Variants in PCDH11X observed in about 807,000 individuals in gnomAD.
PCDH11X encodes protocadherin 11 X-linked, also known as protocadherin-11 X-linked.
In PCDH11X, 18 loss-of-function variants were observed where a neutral mutation model predicts 53.3. The ratio of observed to expected loss-of-function variants is 0.34; its 90% CI spans 0.23 to 0.50. The LOEUF is 0.50. PCDH11X is among the 20% of genes least tolerant of loss of function. The pLI, the probability that PCDH11X is intolerant of heterozygous loss-of-function variation, is 0.98. For synonymous variants in PCDH11X, 279 were observed against 393.3 expected (o/e 0.71, Z 3.44); for missense variants, 570 against 1,032.4 (o/e 0.55, Z 6.14).
chrX:92,087,064 G>A (rs757174780), intron 6 of PCDH11X, among the ~76,000 whole-genome samples: 13 of 109,521 alleles, frequency 1.2e-4, no homozygotes, highest in African/African-American at 4.0e-4. Context: ...CTTTAGGGTG[G>A]TCTGGGTGGT....
At chrX:91,998,784 C>T (rs1432916929) in intron 6 of PCDH11X, among the ~76,000 whole-genome samples, 1 of 111,067 alleles carries the variant, frequency 9.0e-6, no homozygotes, top group Non-Finnish European at 1.9e-5. Context: ...GGGGCTCATG[C>T]GTTATATTTT....
intron 10 of PCDH11X, among the ~76,000 whole-genome samples, chrX:92,607,426 T>A (rs1334965346): frequency 9.0e-6 from 1 of 111,629 alleles, no homozygotes; most frequent in Non-Finnish European, 1.9e-5. Flanking sequence ...TAGGCAAATC[T>A]ATTGAGACAG....
rs1264022775 is a variant in PCDH11X, at chrX:92,265,042, G to A, written c.3144+1899G>A. Among the ~76,000 whole-genome samples the A allele has an allele frequency of 3.7e-5, 4 of 109,366 alleles. No homozygotes were observed. In the Admixed American group the frequency reaches 4.0e-4, roughly 11 times the overall value. 95.0% of individuals were successfully genotyped at this position (109,366 alleles called of 115,157 possible). On this transcript the variant is annotated intron_variant, in intron 8 of 10. Coordinates refer to ENST00000682573, the MANE Select transcript of PCDH11X (RefSeq NM_032968.5). ...ATGCTTTTCTTTATAAGGTCAAGAA[G>A]GGTAAGCAAGCAGAGATAAGCAGAA...
intron 5 of PCDH11X, among the ~76,000 whole-genome samples, chrX:91,844,698 G>A (rs1937591844): frequency 9.6e-6 from 1 of 104,290 alleles, no homozygotes; most frequent in Non-Finnish European, 1.9e-5. Context: ...CCTTTTTCAA[G>A]CAGAAGATTT....
chrX:92,447,461 C>T (rs2072679878), intron 9 of PCDH11X, among the ~76,000 whole-genome samples: 1 of 111,503 alleles, frequency 9.0e-6, no homozygotes, highest in Non-Finnish European at 1.9e-5. Context: ...CAGCTCGAGT[C>T]ATGGCTTCAA....
At chrX:92,356,752 A>C (rs1183485641) in intron 8 of PCDH11X, among the ~76,000 whole-genome samples, 1 of 97,193 alleles carries the variant, frequency 1.0e-5, no homozygotes, top group Non-Finnish European at 2.1e-5. Flanking sequence ...TGTGGCACAG[A>C]GTATCATACT....
At chrX:92,249,510 T>G (rs1274308843) in intron 7 of PCDH11X, among the ~76,000 whole-genome samples, 1 of 112,658 alleles carries the variant, frequency 8.9e-6, no homozygotes. Context: ...CAGATGTGCC[T>G]GTCACATTGC....
chrX:91,918,056 G>A (rs1450137179), intron 6 of PCDH11X, among the ~76,000 whole-genome samples: 4 of 99,574 alleles, frequency 4.0e-5, no homozygotes, highest in Non-Finnish European at 8.2e-5. Flanking sequence ...TGTATTTGTG[G>A]ACCTTGTGGG....
chrX:92,385,285 C>T (rs1266788435), intron 8 of PCDH11X, among the ~76,000 whole-genome samples: 2 of 101,344 alleles, frequency 2.0e-5, no homozygotes, highest in Non-Finnish European at 2.0e-5. Context: ...GGGTAACATT[C>T]GGATTATGTC....
In PCDH11X at chrX:92,244,840, T is replaced by C. The variant is rs771458954; in HGVS notation, c.3115-18274T>C. Among the ~76,000 whole-genome samples the C allele has an allele frequency of 4.5e-5, 5 of 112,033 alleles. No homozygotes were observed. In the South Asian group the frequency reaches 1.9e-3, roughly 41 times the overall value. On this transcript the variant is annotated intron_variant, in intron 7 of 10. Coordinates refer to ENST00000682573, the MANE Select transcript of PCDH11X (RefSeq NM_032968.5). ...TGCCTGTCACATAGTGGATGCTCAA[T>C]AATATTTGTTGATTGAGGAAATTCC...
chrX:92,091,536 G>T (rs897832982), intron 6 of PCDH11X, among the ~76,000 whole-genome samples: 9 of 111,488 alleles, frequency 8.1e-5, no homozygotes, highest in African/African-American at 2.9e-4. Context: ...ATGTGCCCAA[G>T]GTGGTCGGGG....
At chrX:92,501,336 C>T (rs973065053) in intron 10 of PCDH11X, among the ~76,000 whole-genome samples, 12 of 111,556 alleles carry the variant, frequency 1.1e-4, no homozygotes, top group African/African-American at 2.0e-4. Flanking sequence ...AAAACTATTC[C>T]GAAAAACTGA....
intron 6 of PCDH11X, among the ~76,000 whole-genome samples, chrX:92,121,105 ATCAT>A (rs1370822553): frequency 2.7e-5 from 3 of 110,983 alleles, no homozygotes; most frequent in South Asian, 3.8e-4. Flanking sequence ...TAGTAGCATG[ATCAT>A]TCATTTTAAT....
At chrX:92,010,037 G>C (rs2062664733) in intron 6 of PCDH11X, among the ~76,000 whole-genome samples, 1 of 110,542 alleles carries the variant, frequency 9.0e-6, no homozygotes, top group African/African-American at 3.3e-5. Flanking sequence ...GACTTCTCTA[G>C]TATTTATCTA....
intron 9 of PCDH11X, among the ~76,000 whole-genome samples, chrX:92,453,660 A>G (rs1382865972): frequency 9.0e-6 from 1 of 111,059 alleles, no homozygotes; most frequent in Admixed American, 9.6e-5. Context: ...TTATTTTTCA[A>G]TAATTTTTTC....
intron 6 of PCDH11X, among the ~76,000 whole-genome samples, chrX:92,025,864 C>A (rs2062962318): frequency 9.1e-6 from 1 of 110,144 alleles, no homozygotes; most frequent in African/African-American, 3.3e-5. Flanking sequence ...CCATGGAATG[C>A]TATGCAACCA....
chrX:92,220,450 G>T lies in PCDH11X; in HGVS notation c.3114+18995G>T, dbSNP rs1270176162. ...GCAGCCAAAAAACACATGAAAAAATGCTCACCATCACTGGCCATCAGAGAA... is the reference window on the plus strand; with the variant it reads ...GCAGCCAAAAAACACATGAAAAAATTCTCACCATCACTGGCCATCAGAGAA... On this transcript the variant is annotated intron_variant, in intron 7 of 10. Coordinates refer to ENST00000682573, the MANE Select transcript of PCDH11X (RefSeq NM_032968.5). 4.7e-5 allele frequency among the ~76,000 whole-genome samples: 5 copies of T among 106,683 alleles called. No individual in the cohort carries two copies. The East Asian group carries it at 1.6e-3, about 33-fold the overall frequency. The allele number at this position is 106,683 out of a possible 115,157, so 92.6% of individuals were successfully genotyped here.
chrX:92,319,289 C>G (rs1013206149), intron 8 of PCDH11X, among the ~76,000 whole-genome samples: 2 of 111,504 alleles, frequency 1.8e-5, no homozygotes, highest in African/African-American at 6.5e-5. Flanking sequence ...ATATGTGTGT[C>G]CACAGTATAT....
intron 9 of PCDH11X, among the ~76,000 whole-genome samples, chrX:92,442,215 G>T (rs2072531248): frequency 9.1e-6 from 1 of 110,267 alleles, no homozygotes; most frequent in African/African-American, 3.3e-5. Context: ...TCATGGATGA[G>T]AATTTGGACT....
Sources: allele counts gnomAD v4.1 joint callset (sites outside exome capture counted in the v4.1 genomes callset), GRCh38; gene constraint gnomAD v4.1.1; transcripts MANE v1.5; gene names NCBI Gene and HGNC (gene_info 2026-07-23, HGNC 2026-07-21).